Variants in PHF12 observed in about 807,000 individuals in gnomAD.
PHF12 encodes PHD finger protein 12.
Under a neutral mutation model 99.8 loss-of-function variants are expected in PHF12, and 6 were observed. The observed-to-expected ratio is 0.06, with a 90% CI of 0.03 to 0.12. The LOEUF is 0.12. Ranked by LOEUF, PHF12 falls within the 10% of genes least tolerant of loss-of-function variation. The pLI, the probability that PHF12 is intolerant of heterozygous loss-of-function variation, is 1.00. For synonymous variants in PHF12, 480 were observed against 514.9 expected (o/e 0.93, Z 0.92); for missense variants, 954 against 1,300.1 (o/e 0.73, Z 4.09).
chr17:28,921,613 C>G, intron 5 of PHF12, 75 bp downstream of exon 5: 1 of 1,536,106 alleles, frequency 6.5e-7, no homozygotes, highest in Non-Finnish European at 9.0e-7. Flanking sequence ...CATACATGGT[C>G]TGGAAGAGGT....
In PHF12 at chr17:28,949,981, T is replaced by C. The variant is rs1325055144; in HGVS notation, c.248+84A>G. ...AGCTAGCGGCTGCAAGCGCCCGTTA[T>C]TTCGGCAGTCAGGGGCAGGCCGGGT... is the stretch of plus-strand genomic sequence containing the variant. On this transcript the variant is annotated intron_variant, in intron 2 of 14. Transcript: ENST00000332830. This position sits in a 1 kb window ranked among gnomAD's most constrained non-coding sequence, Gnocchi z 4.6. 1 of 1,412,874 alleles carries C rather than the reference T, an allele frequency of 7.1e-7. No homozygotes were observed. Among genetic ancestry groups the C allele is most frequent in the Non-Finnish European group, 9.4e-7 (1 of 1,061,294 alleles). 87.5% of individuals were successfully genotyped at this position (1,412,874 alleles called of 1,614,324 possible).
At chr17:28,948,809 A>G (rs910684866) in intron 2 of PHF12, among the ~76,000 whole-genome samples, 3 of 152,084 alleles carry the variant, frequency 2.0e-5, no homozygotes, top group African/African-American at 7.3e-5. Context: ...GGAACACAGA[A>G]CAGCCCCCTT....
At chr17:28,932,979 T>C (rs1010277618) in intron 2 of PHF12, among the ~76,000 whole-genome samples, 1 of 152,160 alleles carries the variant, frequency 6.6e-6, no homozygotes, top group African/African-American at 2.4e-5. Flanking sequence ...CTTGGAAGAA[T>C]GGTATTCCCA....
rs746327338 is a variant in PHF12 at position 28,907,632 on chromosome 17, A to G, written c.2499T>C (p.Cys833=). ...MDVCLTNYGH[C]NYVSGKHACI... ...AGGCATGTTTCCCGGACACGTAGTT[A>G]CAGTGACCATAGTTTGTAAGGCACA... Residue 833 remains cysteine (C), a synonymous_variant, in exon 13 of 15, where the codon TGT becomes TGC. Coordinates refer to ENST00000332830, the MANE Select transcript of PHF12 (RefSeq NM_001033561.2). 4 of 1,613,914 alleles carry G rather than the reference A, an allele frequency of 2.5e-6. No homozygotes were observed. Among genetic ancestry groups the G allele is most frequent in the Non-Finnish European group, 3.4e-6 (4 of 1,179,946 alleles).
rs760891271 is a variant in PHF12 at position 28,911,212 on chromosome 17, T to G, written c.2115A>C (p.Leu705Phe). 6.2e-7 allele frequency: 1 copy of G among 1,614,068 alleles called. No individual in the cohort carries two copies. The highest frequency in any genetic ancestry group is 8.5e-7 in the Non-Finnish European group (1 of 1,179,994). The change falls in exon 10 of 15, where the codon TTA (leucine) becomes TTC (phenylalanine). Residue 705 changes from leucine to phenylalanine, a missense_variant. Physicochemically the swap from Leu to Phe is conservative, Grantham distance 22. Coordinates refer to ENST00000332830, the MANE Select transcript of PHF12 (RefSeq NM_001033561.2). ...GTACGGTTAAAGCGCTTCCTATGGA[T>G]AACGTGCCGGGGCTGACCTTGCCAT... ...SSDGKVSPGTLSIGSALTVPS... is the reference protein window; with the variant it reads ...SSDGKVSPGTFSIGSALTVPS...
At position 28,921,446 on chromosome 17, in the gene PHF12, C is replaced by T. The variant is rs576159093; in HGVS notation, c.836+242G>A. 4.6e-5 allele frequency among the ~76,000 whole-genome samples: 7 copies of T among 152,286 alleles called. 1 individual carries two copies. In the South Asian group the frequency reaches 1.2e-3, roughly 27 times the overall value. ...CCTCCCAGATTGCTGCGATTACAGG[C>T]ATAAGCCACCGTGCTCGGCCTCAAC... On this transcript the variant is annotated intron_variant, in intron 5 of 14. Coordinates refer to ENST00000332830, the MANE Select transcript of PHF12 (RefSeq NM_001033561.2).
chr17:28,935,038 C>A (rs897014091), intron 2 of PHF12, among the ~76,000 whole-genome samples: 1 of 152,206 alleles, frequency 6.6e-6, no homozygotes, highest in African/African-American at 2.4e-5. Flanking sequence ...AGGACCTCTA[C>A]TTTATTTTCT....
Position 28,950,385 on chromosome 17 carries a change from C to A in PHF12, c.67-139G>T, listed in dbSNP as rs1248244708. 1 of 985,424 alleles carries A rather than the reference C, an allele frequency of 1.0e-6. No homozygotes were observed. The allele number at this position is 985,424 out of a possible 1,614,324, so 61.0% of individuals were successfully genotyped here. On this transcript the variant is annotated intron_variant, in intron 1 of 14. Coordinates refer to ENST00000332830, the MANE Select transcript of PHF12 (RefSeq NM_001033561.2). This position sits in a 1 kb window ranked among gnomAD's most constrained non-coding sequence, Gnocchi z 5.7. ...CTCCCATCCAGGCTGCTCCCAGAAT[C>A]TCTCAGCCCCCGGAACCAGGGGGAG...
Position 28,921,779 on chromosome 17 carries a change from T to C in PHF12, c.745A>G (p.Thr249Ala), listed in dbSNP as rs766063225. Residue 249 changes from threonine (T) to alanine (A), a missense_variant, in exon 5 of 15, where the codon ACC becomes GCC. Coordinates refer to ENST00000332830, the MANE Select transcript of PHF12 (RefSeq NM_001033561.2). ...GTCTTCTTAACATTTTTCCCTGTGG[T>C]TTCCTCCTTTCTTCTCCTCTTGCTA... is the stretch of plus-strand genomic sequence containing the variant. ...GSSKRRRKEE[T>A]TGKNVKKTQH... 7 of 1,613,980 alleles carry C rather than the reference T, an allele frequency of 4.3e-6. No individual in the cohort carries two copies. The highest frequency in any genetic ancestry group is 4.2e-6 in the Non-Finnish European group (5 of 1,180,010).
At chr17:28,926,313 T>C (rs1248146627) in intron 3 of PHF12, 2 of 169,716 alleles carry the variant, frequency 1.2e-5, no homozygotes, top group Admixed American at 1.1e-4. Context: ...TGGTGTATAA[T>C]TAGTGTGGGG....
intron 2 of PHF12, among the ~76,000 whole-genome samples, chr17:28,938,716 A>G (rs2040555859): frequency 6.6e-6 from 1 of 152,092 alleles, no homozygotes; most frequent in South Asian, 2.1e-4. Context: ...AATTCCACTC[A>G]TAAACATCAA....
At chr17:28,923,155 A>T (rs2040195859) in intron 4 of PHF12, among the ~76,000 whole-genome samples, 1 of 152,178 alleles carries the variant, frequency 6.6e-6, no homozygotes, top group Non-Finnish European at 1.5e-5. Context: ...TACTTAAGGG[A>T]AAATTAATCA....
At chr17:28,939,401 C>T (rs2040571644) in intron 2 of PHF12, among the ~76,000 whole-genome samples, 1 of 152,208 alleles carries the variant, frequency 6.6e-6, no homozygotes, top group South Asian at 2.1e-4. Flanking sequence ...GGTTTAGGCA[C>T]ATTTAATGAG....
intron 2 of PHF12, among the ~76,000 whole-genome samples, chr17:28,935,281 T>C (rs990466888): frequency 6.6e-6 from 1 of 152,180 alleles, no homozygotes; most frequent in Non-Finnish European, 1.5e-5. Context: ...TATTTTATTT[T>C]TTTATTTTGA....
chr17:28,951,002 C>G lies in PHF12; in HGVS notation c.-42G>C. Reference sequence around the variant, plus strand: ...CTGGGTGCTCTCTGCTCCGGCCCCCCCAACCCCGGGGGGAGGGGGGAGGTG... The same window carrying G: ...CTGGGTGCTCTCTGCTCCGGCCCCCGCAACCCCGGGGGGAGGGGGGAGGTG... On this transcript the variant is annotated 5_prime_UTR_variant, in exon 1 of 15. Coordinates refer to ENST00000332830, the MANE Select transcript of PHF12 (RefSeq NM_001033561.2). 1 of 1,611,630 alleles carries G rather than the reference C, an allele frequency of 6.2e-7. No individual in the cohort carries two copies. Among genetic ancestry groups the G allele is most frequent in the Non-Finnish European group, 8.5e-7 (1 of 1,178,776 alleles).
chr17:28,951,131 C>T lies in PHF12; in HGVS notation c.-171G>A, dbSNP rs932890440. 7.0e-7 allele frequency: 1 copy of T among 1,437,932 alleles called. No individual in the cohort carries two copies. Among genetic ancestry groups the T allele is most frequent in the Non-Finnish European group, 9.1e-7 (1 of 1,099,082 alleles). The allele number at this position is 1,437,932 out of a possible 1,614,324, so 89.1% of individuals were successfully genotyped here. A position where few individuals can be genotyped will look rare whatever the true frequency, so the allele number is the denominator to read the frequency against. On this transcript the variant is annotated 5_prime_UTR_variant, in exon 1 of 15. Coordinates refer to ENST00000332830, the MANE Select transcript of PHF12 (RefSeq NM_001033561.2). ...ACCCCCCGGCCCCCAGTCCCCGGGA[C>T]GACAGCGTCCTCCCGACGGGCCGCG... is the stretch of plus-strand genomic sequence containing the variant.
rs1262753587 is a variant in PHF12, at chr17:28,924,001, C to T, written c.623G>A (p.Arg208Gln). ...EPDYVQPQLR[R>Q]PFELLIAAAM... ...GGCAGCAATCAGCAGCTCAAAGGGC[C>T]GCCTCAGCTGGGGCTGCACATAGTC... The change falls in exon 4 of 15, where the codon CGG becomes CAG. Residue 208 changes from arginine (R) to glutamine (Q), a missense_variant. Physicochemically the swap from Arg to Gln is conservative, Grantham distance 43. Coordinates refer to ENST00000332830, the MANE Select transcript of PHF12 (RefSeq NM_001033561.2). 8.1e-6 allele frequency: 13 copies of T among 1,614,074 alleles called. No homozygotes were observed. Among genetic ancestry groups the T allele is most frequent in the Admixed American group, 3.3e-5 (2 of 60,012 alleles).
chr17:28,950,371 G>T lies in PHF12; in HGVS notation c.67-125C>A. 1 of 1,102,776 alleles carries T rather than the reference G, an allele frequency of 9.1e-7. No individual in the cohort carries two copies. Among genetic ancestry groups the T allele is most frequent in the Non-Finnish European group, 1.3e-6 (1 of 793,934 alleles). 68.3% of individuals were successfully genotyped at this position (1,102,776 alleles called of 1,614,324 possible). ...TTTTGTCCTTCTTCCTCCCATCCAG[G>T]CTGCTCCCAGAATCTCTCAGCCCCC... On this transcript the variant is annotated intron_variant, in intron 1 of 14. Coordinates refer to ENST00000332830, the MANE Select transcript of PHF12 (RefSeq NM_001033561.2). This position sits in a 1 kb window ranked among gnomAD's most constrained non-coding sequence, Gnocchi z 5.7.
chr17:28,907,018 G>T, intron 13 of PHF12, 24 bp from the exon 14 acceptor site: 1 of 1,591,580 alleles, frequency 6.3e-7, no homozygotes, highest in Non-Finnish European at 8.6e-7. Context: ...GGGGAGATAA[G>T]ATGTGTGGTC....
Sources: allele counts gnomAD v4.1 joint callset (sites outside exome capture counted in the v4.1 genomes callset), GRCh38; gene constraint gnomAD v4.1.1; non-coding constraint Gnocchi (gnomAD v3.1); transcripts MANE v1.5; gene names NCBI Gene and HGNC (gene_info 2026-07-23, HGNC 2026-07-21).